Variants in FAT3 observed in about 807,000 individuals in gnomAD.
FAT3 encodes FAT atypical cadherin 3.
In FAT3, 95 loss-of-function variants were observed where a neutral mutation model predicts 310.2. That is an observed-to-expected ratio of 0.31 (90% confidence interval 0.26 to 0.36). FAT3 has a LOEUF of 0.36. Among genes scored for constraint, FAT3 ranks in the 10% least tolerant of loss-of-function variants. The pLI is 1.00. For missense variants in FAT3, 5,408 were observed against 5,715.6 expected, an observed-to-expected ratio of 0.95 and a Z score of 1.74; for synonymous variants, 2,314 against 2,192.9, an observed-to-expected ratio of 1.06 and a Z score of -1.54.
At chr11:92,232,890 A>G (rs1864249551) in intron 1 of FAT3, among the ~76,000 whole-genome samples, 1 of 152,046 alleles carries the variant, frequency 6.6e-6, no homozygotes, top group African/African-American at 2.4e-5. Flanking sequence ...TTTATATTAT[A>G]TTTACCTGAT....
At chr11:92,401,117 G>A (rs1195501312) in intron 2 of FAT3, among the ~76,000 whole-genome samples, 1 of 152,140 alleles carries the variant, frequency 6.6e-6, no homozygotes, top group Non-Finnish European at 1.5e-5. Flanking sequence ...TTGAGATTTG[G>A]TTACCTGGAG....
chr11:92,573,566 A>G (rs1482992851), intron 3 of FAT3, among the ~76,000 whole-genome samples: 1 of 152,210 alleles, frequency 6.6e-6, no homozygotes, highest in Non-Finnish European at 1.5e-5. Flanking sequence ...AGATGATATC[A>G]TCTTTGATTT....
chr11:92,774,949 T>C lies in FAT3; in HGVS notation c.4335+769T>C, dbSNP rs564227895. ...AGACTAGCACAATGTTAGATAACAA[T>C]ATGGGGCAGACCTGTACTAAATATG... On this transcript the variant is annotated intron_variant, in intron 7 of 27. Transcript: ENST00000525166. Among the ~76,000 whole-genome samples the C allele has an allele frequency of 9.2e-5, 14 of 152,296 alleles. No homozygotes were observed. In the East Asian group the frequency reaches 2.7e-3, roughly 29 times the overall value.
chr11:92,342,345 T>C (rs1464261338), intron 1 of FAT3, among the ~76,000 whole-genome samples: 2 of 152,154 alleles, frequency 1.3e-5, no homozygotes, highest in Non-Finnish European at 2.9e-5. Context: ...TTACCATCTC[T>C]TTCTCAACAG....
At chr11:92,788,915 TA>T (rs1036485901) in intron 7 of FAT3, among the ~76,000 whole-genome samples, 2 of 152,130 alleles carry the variant, frequency 1.3e-5, no homozygotes, top group African/African-American at 4.8e-5. Context: ...ACCTATAAAT[TA>T]AAATATAATT....
chr11:92,278,607 T>C (rs1178193431), intron 1 of FAT3, among the ~76,000 whole-genome samples: 1 of 152,168 alleles, frequency 6.6e-6, no homozygotes, highest in Non-Finnish European at 1.5e-5. Context: ...GAAGTTTATG[T>C]GTCTACATAT....
intron 4 of FAT3, among the ~76,000 whole-genome samples, chr11:92,734,588 C>T (rs554836529): frequency 1.3e-5 from 2 of 151,886 alleles, no homozygotes; most frequent in Non-Finnish European, 2.9e-5. Context: ...AAAATAAAGT[C>T]AATTAATTTG....
At chr11:92,470,029 A>G (rs1289385118) in intron 2 of FAT3, among the ~76,000 whole-genome samples, 1 of 152,164 alleles carries the variant, frequency 6.6e-6, no homozygotes, top group Non-Finnish European at 1.5e-5. Context: ...TAATATTTTC[A>G]TGTCACATAT....
chr11:92,237,147 T>G (rs1864462202), intron 1 of FAT3, among the ~76,000 whole-genome samples: 1 of 152,140 alleles, frequency 6.6e-6, no homozygotes, highest in Non-Finnish European at 1.5e-5. Flanking sequence ...TAGAGTTGGA[T>G]TTTGTTATGC....
rs1949919489 is a variant in FAT3, at chr11:92,891,595, ATAT to A, written c.*488_*490del. 1 of 164,934 alleles carries A rather than the reference ATAT, an allele frequency of 6.1e-6. No individual in the cohort carries two copies. Among genetic ancestry groups the A allele is most frequent in the South Asian group, 1.6e-4 (1 of 6,392 alleles). 10.2% of individuals were successfully genotyped at this position (164,934 alleles called of 1,614,324 possible). A position where few individuals can be genotyped will look rare whatever the true frequency, so the allele number is the denominator to read the frequency against. On this transcript the variant is annotated 3_prime_UTR_variant, in exon 28 of 28. Transcript: ENST00000525166. ...CTTAGGCGAAAGAGAAGAGAAACAA[ATAT>A]TATTAAACAAACCAGAAAATGGGCT...
At chr11:92,315,512 T>TATATAGAGAGAG (rs1353970811) in intron 1 of FAT3, among the ~76,000 whole-genome samples, 36 of 56,164 alleles carry the variant, frequency 6.4e-4, no homozygotes, top group South Asian at 1.9e-3. Flanking sequence ...TATATATATA[T>TATATAGAGAGAG]AGAGAGAGAG....
chr11:92,623,147 A>T (rs1049400630), intron 3 of FAT3, among the ~76,000 whole-genome samples: 1 of 152,178 alleles, frequency 6.6e-6, no homozygotes, highest in Non-Finnish European at 1.5e-5. Flanking sequence ...ACTTTCTATC[A>T]TGCTGACCTG....
chr11:92,410,954 G>T (rs922373192), intron 2 of FAT3, among the ~76,000 whole-genome samples: 58 of 150,582 alleles, frequency 3.9e-4, no homozygotes, highest in African/African-American at 1.1e-3. Flanking sequence ...TGAACATTAG[G>T]TACTGTTGGT....
At position 92,354,008 on chromosome 11, in the gene FAT3, T is replaced by A. The variant is rs779649389; in HGVS notation, c.1896T>A (p.Val632=). The change falls in exon 2 of 28, where the codon GTT becomes GTA. Residue 632 remains valine (V), a synonymous_variant. Coordinates refer to ENST00000525166, the MANE Select transcript of FAT3 (RefSeq NM_001367949.2). Reference sequence around the variant, plus strand: ...TTTATTTAAACCCAGATTCTGGTGTTTTACAGCTTAAAAAATCACTGACAA... The same window carrying A: ...TTTATTTAAACCCAGATTCTGGTGTATTACAGCTTAAAAAATCACTGACAA... ...GFFYLNPDSG[V]LQLKKSLTNS... is the part of the protein sequence containing the mutation. 2 of 1,613,180 alleles carry A rather than the reference T, an allele frequency of 1.2e-6. No individual in the cohort carries two copies. Among genetic ancestry groups the A allele is most frequent in the South Asian group, 2.2e-5 (2 of 91,012 alleles).
At chr11:92,570,390 A>G (rs1696650466) in intron 3 of FAT3, among the ~76,000 whole-genome samples, 1 of 152,180 alleles carries the variant, frequency 6.6e-6, no homozygotes, top group Admixed American at 6.6e-5. Flanking sequence ...GACAGGATCT[A>G]AGCATGGTGT....
intron 2 of FAT3, among the ~76,000 whole-genome samples, chr11:92,446,716 A>G (rs534662253): frequency 6.6e-5 from 10 of 152,332 alleles, no homozygotes; most frequent in Admixed American, 3.3e-4. Context: ...AGATATCTAT[A>G]TGCCTATAGG....
In FAT3 at chr11:92,512,936, C is replaced by T. The variant is rs1420781396; in HGVS notation, c.3293-11698C>T. Among the ~76,000 whole-genome samples the T allele has an allele frequency of 2.2e-5, 2 of 91,804 alleles. 1 individual carries two copies. The highest frequency in any genetic ancestry group is 4.3e-5 in the Non-Finnish European group (2 of 46,518). The allele number at this position is 91,804 out of a possible 152,430, so 60.2% of individuals were successfully genotyped here. On this transcript the variant is annotated intron_variant, in intron 2 of 27. Transcript: ENST00000525166. ...AGGAGATCGAGACCATCCTGGCTAA[C>T]ACGGTGAAACCCCGTCTCTACTAAA...
chr11:92,572,549 T>C (rs1176329665), intron 3 of FAT3, among the ~76,000 whole-genome samples: 1 of 152,162 alleles, frequency 6.6e-6, no homozygotes, highest in Non-Finnish European at 1.5e-5. Flanking sequence ...ACCTTAATGA[T>C]AGAGTGAAAT....
chr11:92,413,679 C>T (rs981092939), intron 2 of FAT3, among the ~76,000 whole-genome samples: 7 of 152,166 alleles, frequency 4.6e-5, no homozygotes, highest in Non-Finnish European at 8.8e-5. Context: ...CCTGCTTGAA[C>T]GACAAGCCAT....
Sources: allele counts gnomAD v4.1 joint callset (sites outside exome capture counted in the v4.1 genomes callset), GRCh38; gene constraint gnomAD v4.1.1; transcripts MANE v1.5; gene names NCBI Gene and HGNC (gene_info 2026-07-23, HGNC 2026-07-21).